Variants in FLT3 observed in about 807,000 individuals in gnomAD.
FLT3 encodes receptor-type tyrosine-protein kinase FLT3.
FLT3 carries 46 observed loss-of-function variants against 126.6 expected under a neutral mutation model. That is an observed-to-expected ratio of 0.36 (90% confidence interval 0.29 to 0.46). FLT3 has a LOEUF of 0.46. FLT3 is among the 20% of genes least tolerant of loss of function. FLT3 has a pLI of 1.00. For synonymous variants in FLT3, 404 were observed against 434.4 expected (o/e 0.93, Z 0.87); for missense variants, 1,069 against 1,190.3 (o/e 0.90, Z 1.50).
chr13:28,007,117 T>A (rs906817813), intron 23 of FLT3, among the ~76,000 whole-genome samples: 2 of 152,210 alleles, frequency 1.3e-5, no homozygotes, highest in Admixed American at 6.5e-5. Context: ...ATTCTCCTTA[T>A]GAAATTGTGA....
chr13:28,086,316 C>G (rs547697971), intron 1 of FLT3, among the ~76,000 whole-genome samples: 9 of 152,138 alleles, frequency 5.9e-5, no homozygotes, highest in Non-Finnish European at 1.2e-4. Context: ...ACACAGTCTA[C>G]CTTTAGGTGA....
At chr13:28,014,347 T>G in intron 23 of FLT3, 105 bp downstream of exon 23, 1 of 786,472 alleles carries the variant, frequency 1.3e-6, no homozygotes, top group Non-Finnish European at 2.1e-6. Flanking sequence ...AAAACTGCAA[T>G]GAGAATGACA....
chr13:28,064,117 A>T lies in FLT3; in HGVS notation c.166-2048T>A, dbSNP rs1593279215. 3.3e-5 allele frequency among the ~76,000 whole-genome samples: 5 copies of T among 152,294 alleles called. No homozygotes were observed. In the South Asian group the frequency reaches 1.0e-3, roughly 32 times the overall value. On this transcript the variant is annotated intron_variant, in intron 2 of 23. Coordinates refer to ENST00000241453, the MANE Select transcript of FLT3 (RefSeq NM_004119.3). Reference sequence around the variant, plus strand: ...CAAGACCCCGTCCCAAAACAAAAAAACCCAGCTGACATACTAGAAGAAAAT... The same window carrying T: ...CAAGACCCCGTCCCAAAACAAAAAATCCCAGCTGACATACTAGAAGAAAAT...
Position 28,048,294 on chromosome 13 carries a change from C to T in FLT3, c.1186G>A (p.Gly396Ser), listed in dbSNP as rs765282935. 6.2e-7 allele frequency: 1 copy of T among 1,613,584 alleles called. No homozygotes were observed. Among genetic ancestry groups the T allele is most frequent in the Non-Finnish European group, 8.5e-7 (1 of 1,179,830 alleles). ...SRKSFPCEQK[G>S]LDNGYSISKF... is the part of the protein sequence containing the mutation. ...TCTCACCTGTATCCGTTATCAAGAC[C>T]CTTTTGCTCACAAGGAAATGATTTT... The change falls in exon 9 of 24, where the codon GGT becomes AGT. Residue 396 changes from glycine (G) to serine (S), a missense_variant. Transcript: ENST00000241453.
chr13:28,030,151 C>T (rs1341509649), intron 15 of FLT3, among the ~76,000 whole-genome samples: 5 of 152,124 alleles, frequency 3.3e-5, no homozygotes, highest in African/African-American at 1.2e-4. Flanking sequence ...GTGGCTTCTC[C>T]GGTGCTGACA....
intron 12 of FLT3, 24 bp downstream of exon 12, chr13:28,035,471 A>G: frequency 6.3e-7 from 1 of 1,599,014 alleles, no homozygotes. Context: ...TGATGGTGGA[A>G]TATCACAAGA....
intron 1 of FLT3, among the ~76,000 whole-genome samples, chr13:28,096,278 C>G (rs1420299001): frequency 6.6e-6 from 1 of 151,956 alleles, no homozygotes; most frequent in Non-Finnish European, 1.5e-5. Flanking sequence ...TGCTTGAGTC[C>G]GTAAGGCAGA....
intron 9 of FLT3, among the ~76,000 whole-genome samples, chr13:28,040,891 T>C (rs531797248): frequency 3.3e-5 from 5 of 150,550 alleles, no homozygotes; most frequent in Admixed American, 2.0e-4. Context: ...TCCCAGCTAC[T>C]TGGGAGGCCG....
intron 20 of FLT3, 116 bp from the exon 21 acceptor site, chr13:28,015,817 T>C (rs1871803083): frequency 1.5e-6 from 1 of 659,786 alleles, no homozygotes; most frequent in Admixed American, 2.9e-5. Flanking sequence ...TAATGCCTTA[T>C]TGAGAAAATC....
chr13:28,066,700 G>A (rs2185049), intron 2 of FLT3, among the ~76,000 whole-genome samples: 27,555 of 151,864 alleles, frequency 0.18, 2,601 homozygotes, highest in Middle Eastern at 0.24. Flanking sequence ...GGGGAAAGGG[G>A]CAGTGCTTCC....
chr13:28,050,289 G>A, intron 5 of FLT3, 67 bp from the exon 6 acceptor site: 2 of 1,517,282 alleles, frequency 1.3e-6, no homozygotes, highest in Non-Finnish European at 1.8e-6. Flanking sequence ...TGCTCAAGAG[G>A]AGAACAAAGT....
At chr13:28,037,443 C>T (rs966315350) in intron 9 of FLT3, among the ~76,000 whole-genome samples, 155 bp from the exon 10 acceptor site, 5 of 152,200 alleles carry the variant, frequency 3.3e-5, no homozygotes, top group African/African-American at 9.6e-5. Flanking sequence ...ACCCTTGCTA[C>T]TCAAAGTGTG....
chr13:28,050,456 A>C (rs544186465), intron 5 of FLT3, among the ~76,000 whole-genome samples: 14 of 152,300 alleles, frequency 9.2e-5, no homozygotes, highest in African/African-American at 3.1e-4. Flanking sequence ...ATAACAAAAC[A>C]GTTTAAAATT....
rs181015686 is a variant in FLT3 at position 28,066,304 on chromosome 13, G to A, written c.165+4187C>T. ...ATTGTATTTCCAGGCTCTGCCTGCCGAGAGGGCCTAGAAGCAATGATATCC... is the reference window on the plus strand; with the variant it reads ...ATTGTATTTCCAGGCTCTGCCTGCCAAGAGGGCCTAGAAGCAATGATATCC... On this transcript the variant is annotated intron_variant, in intron 2 of 23. Transcript: ENST00000241453. Among the ~76,000 whole-genome samples the A allele has an allele frequency of 1.7e-3, 255 of 152,266 alleles. 1 individual carries two copies. The highest frequency in any genetic ancestry group is 3.1e-3 in the Non-Finnish European group (209 of 68,036).
At chr13:28,035,097 A>G (rs1873713896) in intron 12 of FLT3, among the ~76,000 whole-genome samples, 1 of 152,014 alleles carries the variant, frequency 6.6e-6, no homozygotes, top group African/African-American at 2.4e-5. Flanking sequence ...GCCAGGTTTC[A>G]CAACTGTTTA....
At chr13:28,052,395 C>T in intron 5 of FLT3, 150 bp downstream of exon 5, 1 of 705,690 alleles carries the variant, frequency 1.4e-6, no homozygotes, top group East Asian at 2.7e-5. Flanking sequence ...TTCACCCGGC[C>T]CTATACTGGC....
chr13:28,005,351 A>G (rs1366726716), intron 23 of FLT3, among the ~76,000 whole-genome samples: 1 of 152,060 alleles, frequency 6.6e-6, no homozygotes, highest in African/African-American at 2.4e-5. Flanking sequence ...AAAGGCTACA[A>G]GTCATGACAA....
At chr13:28,097,972 T>C (rs912687335) in intron 1 of FLT3, among the ~76,000 whole-genome samples, 1 of 152,150 alleles carries the variant, frequency 6.6e-6, no homozygotes, top group Non-Finnish European at 1.5e-5. Context: ...GTTCCTCTCC[T>C]TCAAATGCCA....
intron 19 of FLT3, among the ~76,000 whole-genome samples, chr13:28,020,642 C>T (rs1430743299): frequency 2.0e-5 from 3 of 152,092 alleles, no homozygotes; most frequent in Admixed American, 6.6e-5. Flanking sequence ...CACCCACCCC[C>T]GGCCTCAGTG....
Sources: allele counts gnomAD v4.1 joint callset (sites outside exome capture counted in the v4.1 genomes callset), GRCh38; gene constraint gnomAD v4.1.1; transcripts MANE v1.5; gene names NCBI Gene and HGNC (gene_info 2026-07-23, HGNC 2026-07-21).